The following EIF3K variants were observed in gnomAD, a reference collection of about 807,000 sequenced individuals.
The protein encoded by EIF3K is eukaryotic translation initiation factor 3 subunit K.
A neutral mutation model predicts 34.2 loss-of-function variants in EIF3K; 27 were observed. That is an observed-to-expected ratio of 0.79 (90% confidence interval 0.58 to 1.09). The LOEUF (loss-of-function observed/expected upper bound fraction) is 1.09, where lower values mean the gene tolerates loss of function less well. Ranked by LOEUF, EIF3K falls within the 50% of genes least tolerant of loss-of-function variation. The probability of loss-of-function intolerance (pLI) is 0.00; values close to 1 mark genes in which losing one functional copy is unlikely to be tolerated. For synonymous variants in EIF3K, 105 were observed against 105.7 expected (o/e 0.99, Z 0.04); for missense variants, 232 against 275.4 (o/e 0.84, Z 1.11).
chr19:38,627,593 G>C (rs1368347395), intron 4 of EIF3K, among the ~76,000 whole-genome samples: 2 of 151,900 alleles, frequency 1.3e-5, no homozygotes, highest in African/African-American at 4.8e-5. Context: ...GAACCCAGTG[G>C]GTTCAACCTC....
chr19:38,622,919 C>T (rs1975873784), intron 2 of EIF3K, among the ~76,000 whole-genome samples: 1 of 152,266 alleles, frequency 6.6e-6, no homozygotes, highest in Admixed American at 6.5e-5. Context: ...TTAAGGTTCT[C>T]TCTCTCATTC....
At chr19:38,626,916 C>A (rs1365873116) in intron 4 of EIF3K, among the ~76,000 whole-genome samples, 1 of 152,174 alleles carries the variant, frequency 6.6e-6, no homozygotes, top group Non-Finnish European at 1.5e-5. Context: ...AAGTGATTCT[C>A]CTGTCTCCCG....
At chr19:38,620,533 A>G in intron 2 of EIF3K, 98 bp downstream of exon 2, 1 of 987,704 alleles carries the variant, frequency 1.0e-6, no homozygotes, top group African/African-American at 1.6e-5. Context: ...ATCCTGAACA[A>G]TGCAGCATCT....
Position 38,620,397 on chromosome 19 carries a change from T to C in EIF3K, c.120T>C (p.Asn40=). Residue 40 remains asparagine (N), a synonymous_variant, in exon 2 of 8, where the codon AAT becomes AAC. Transcript: ENST00000248342. ...ERYVETQAKE[N]AYDLEANLAV... ...ATGTAGAGACGCAGGCCAAGGAAAA[T>C]GCCTATGATCTGGAAGCCAACCTGG... 6.2e-7 allele frequency: 1 copy of C among 1,613,922 alleles called. No homozygotes were observed. Among genetic ancestry groups the C allele is most frequent in the Non-Finnish European group, 8.5e-7 (1 of 1,179,974 alleles).
intron 1 of EIF3K, among the ~76,000 whole-genome samples, chr19:38,619,531 G>A (rs1175935497): frequency 6.6e-6 from 1 of 152,200 alleles, no homozygotes; most frequent in East Asian, 1.9e-4. Flanking sequence ...GGAGGCCGAG[G>A]TAGGTGGGTC....
chr19:38,622,047 AG>A lies in EIF3K; in HGVS notation c.158+1614del, dbSNP rs1197296212. On this transcript the variant is annotated intron_variant, in intron 2 of 7. Coordinates refer to ENST00000248342, the MANE Select transcript of EIF3K (RefSeq NM_013234.4). ...CAGCCTCCTGAATAGCTGGGACTAC[AG>A]GCATGCACCACCATGCCCAGCTAAT... 2.0e-5 allele frequency among the ~76,000 whole-genome samples: 3 copies of A among 150,292 alleles called. No individual in the cohort carries two copies. In the East Asian group the frequency reaches 5.9e-4, roughly 29 times the overall value.
At chr19:38,632,729 G>A (rs1378515834) in intron 6 of EIF3K, 51 bp downstream of exon 6, 1 of 1,530,696 alleles carries the variant, frequency 6.5e-7, no homozygotes, top group East Asian at 2.3e-5. Context: ...GGGTGGCTAG[G>A]GCAGTGGACC....
At chr19:38,629,556 A>G (rs1212398434) in intron 4 of EIF3K, among the ~76,000 whole-genome samples, 1 of 152,086 alleles carries the variant, frequency 6.6e-6, no homozygotes, top group East Asian at 1.9e-4. Context: ...TCGCCTCCCA[A>G]AGTGCTGGGA....
In EIF3K at chr19:38,626,506, T is replaced by G. The variant is rs547284556; in HGVS notation, c.354+404T>G. Among the ~76,000 whole-genome samples, 8 of 152,196 alleles carry G rather than the reference T, an allele frequency of 5.3e-5. No individual in the cohort carries two copies. In the East Asian group the frequency reaches 1.5e-3, roughly 29 times the overall value. ...TCATCTCTACAAAATTGAAAATTAA[T>G]TGGGTGTGGTGGCATGTGCCTGTAC... On this transcript the variant is annotated intron_variant, in intron 4 of 7. Transcript: ENST00000248342.
At chr19:38,626,315 T>C in intron 4 of EIF3K, 1 of 588,554 alleles carries the variant, frequency 1.7e-6, no homozygotes, top group Non-Finnish European at 3.0e-6. Context: ...CTTTCCCCTT[T>C]CTCCCATCTT....
chr19:38,636,916 A>C lies in EIF3K; in HGVS notation c.653A>C (p.Gln218Pro), dbSNP rs753692671. The change falls in exon 8 of 8, where the codon CAG becomes CCG. Residue 218 changes from glutamine (Q) to proline (P), a missense_variant. Transcript: ENST00000248342. ...DSVSSIMASS[Q>P] ...GTGTCCAGCATCATGGCCTCCTCCC[A>C]GTAACTTCAGGTGTTTAATAAAGAT... The C allele has an allele frequency of 6.2e-7, 1 of 1,613,974 alleles. No individual in the cohort carries two copies. Among genetic ancestry groups the C allele is most frequent in the South Asian group, 1.1e-5 (1 of 91,070 alleles).
intron 4 of EIF3K, among the ~76,000 whole-genome samples, chr19:38,630,422 G>A (rs569022141): frequency 7.7e-4 from 115 of 149,284 alleles, no homozygotes; most frequent in African/African-American, 2.8e-3. Flanking sequence ...TCAGCTCACT[G>A]CAACCTCTGC....
At chr19:38,627,349 A>T (rs2144770658) in intron 4 of EIF3K, among the ~76,000 whole-genome samples, 1 of 151,706 alleles carries the variant, frequency 6.6e-6, no homozygotes, top group Admixed American at 6.6e-5. Context: ...CCCTCTGGTG[A>T]CTGCTCTTTG....
chr19:38,632,241 C>T (rs1334101867), intron 4 of EIF3K, 189 bp from the exon 5 acceptor site: 9 of 583,384 alleles, frequency 1.5e-5, no homozygotes, highest in Non-Finnish European at 2.7e-5. Context: ...TATAGTGAGA[C>T]CTCGTCTATG....
At chr19:38,632,104 A>G in intron 4 of EIF3K, 1 of 291,426 alleles carries the variant, frequency 3.4e-6, no homozygotes, top group Non-Finnish European at 6.6e-6. Flanking sequence ...ACTGATAAGA[A>G]CGTTGTTGAT....
Position 38,635,564 on chromosome 19 carries a change from G to A in EIF3K, c.625+446G>A, listed in dbSNP as rs191934935. ...GTTTTCTCATCTAAAAAATGGGGAC[G>A]ACTGCAACAGTAACTATGATAAACA... On this transcript the variant is annotated intron_variant, in intron 7 of 7. Transcript: ENST00000248342. The A allele has an allele frequency of 2.0e-4, 45 of 221,954 alleles. No homozygotes were observed. In the East Asian group the frequency reaches 4.1e-3, roughly 20 times the overall value. The allele number at this position is 221,954 out of a possible 1,614,324, so 13.7% of individuals were successfully genotyped here. A position where few individuals can be genotyped will look rare whatever the true frequency, so the allele number is the denominator to read the frequency against.
chr19:38,620,302 C>T (rs373473721), intron 1 of EIF3K, 35 bp from the exon 2 acceptor site: 24 of 1,594,110 alleles, frequency 1.5e-5, no homozygotes, highest in Non-Finnish European at 2.0e-5. Context: ...CAGCTTCTGT[C>T]TCCTCTGTGC....
intron 2 of EIF3K, among the ~76,000 whole-genome samples, chr19:38,621,579 A>G (rs2144761202): frequency 6.6e-6 from 1 of 152,238 alleles, no homozygotes; most frequent in Admixed American, 6.5e-5. Flanking sequence ...ATGCCAACCA[A>G]TTCCCCTGCT....
chr19:38,632,594 T>G lies in EIF3K; in HGVS notation c.422-7T>G. The G allele has an allele frequency of 6.2e-7, 1 of 1,613,716 alleles. No homozygotes were observed. Among genetic ancestry groups the G allele is most frequent in the South Asian group, 1.1e-5 (1 of 91,044 alleles). On this transcript the variant is annotated splice_polypyrimidine_tract_variant and splice_region_variant and intron_variant, in intron 5 of 7. Transcript: ENST00000248342. Reference sequence around the variant, plus strand: ...CTGCTCACCGGTTTTGTCTCTGACCTCCACAGTTATCTGCCATGTTGTGGG... The same window carrying G: ...CTGCTCACCGGTTTTGTCTCTGACCGCCACAGTTATCTGCCATGTTGTGGG...
Sources: gnomAD v4.1 joint callset for allele counts (sites outside exome capture counted in the v4.1 genomes callset) on GRCh38, gnomAD v4.1.1 for gene constraint, MANE v1.5 for transcripts, NCBI Gene and HGNC (gene_info 2026-07-23, HGNC 2026-07-21) for gene names.